The following MDGA2 variants were observed in gnomAD, a reference collection of about 807,000 sequenced individuals.
MDGA2 encodes MAM domain containing glycosylphosphatidylinositol anchor 2.
MDGA2 carries 40 observed loss-of-function variants against 117.8 expected under a neutral mutation model. The ratio of observed to expected loss-of-function variants is 0.34; its 90% CI spans 0.26 to 0.44. The LOEUF (loss-of-function observed/expected upper bound fraction) is 0.44. Ranked by LOEUF, MDGA2 falls within the 20% of genes least tolerant of loss-of-function variation. The pLI is 1.00. For synonymous variants in MDGA2, 452 were observed against 439.0 expected, an observed-to-expected ratio of 1.03 and a Z score of -0.37; for missense variants, 1,123 against 1,250.6, an observed-to-expected ratio of 0.90 and a Z score of 1.54.
rs56244321 is a variant in MDGA2 at position 47,563,578 on chromosome 14, GTTTTTTTTTTTT to G, written c.280+110927_280+110938del. 8.0e-3 allele frequency among the ~76,000 whole-genome samples: 453 copies of G among 56,944 alleles called. 1 individual carries two copies. Among genetic ancestry groups the G allele is most frequent in the African/African-American group, 0.04 (421 of 10,550 alleles). The allele number at this position is 56,944 out of a possible 152,430, so 37.4% of individuals were successfully genotyped here. On this transcript the variant is annotated intron_variant, in intron 1 of 16. Transcript: ENST00000399232. ...AGAATAGCAACCCCTGCTTTTTTCT[GTTTTTTTTTTTT>G]TTTTTTTTTTTTTTTTTTTGCTTGG...
At chr14:47,015,410 G>A (rs1311925766) in intron 8 of MDGA2, among the ~76,000 whole-genome samples, 1 of 148,802 alleles carries the variant, frequency 6.7e-6, no homozygotes, top group Non-Finnish European at 1.5e-5. Flanking sequence ...AAGAAGTAAA[G>A]GACAATAAAA....
chr14:46,972,183 T>C (rs1007438930), intron 8 of MDGA2, among the ~76,000 whole-genome samples: 3 of 152,132 alleles, frequency 2.0e-5, no homozygotes, highest in Non-Finnish European at 4.4e-5. Context: ...GTAGGATGTA[T>C]GCTAACTCAG....
chr14:47,517,879 C>A (rs1432751505), intron 1 of MDGA2, among the ~76,000 whole-genome samples: 1 of 152,072 alleles, frequency 6.6e-6, no homozygotes, highest in African/African-American at 2.4e-5. Flanking sequence ...AAAAGTGTGT[C>A]TTAAATGTTG....
At chr14:46,886,559 A>AG (rs1207729355) in intron 10 of MDGA2, among the ~76,000 whole-genome samples, 2 of 152,078 alleles carry the variant, frequency 1.3e-5, no homozygotes, top group Admixed American at 1.3e-4. Flanking sequence ...TGCAGTTGTG[A>AG]GGGGTAAAGA....
At chr14:47,305,848 T>TA (rs1889426232) in intron 1 of MDGA2, among the ~76,000 whole-genome samples, 1 of 152,180 alleles carries the variant, frequency 6.6e-6, no homozygotes, top group Non-Finnish European at 1.5e-5. Context: ...AAGCAGACGA[T>TA]AGCTAAATCT....
intron 1 of MDGA2, among the ~76,000 whole-genome samples, chr14:47,438,835 CA>C (rs986227854): frequency 3.3e-5 from 5 of 151,728 alleles, no homozygotes; most frequent in South Asian, 2.1e-4. Flanking sequence ...GGATAAGAAA[CA>C]AAAAAAAGTC....
chr14:47,486,646 G>A (rs918441650), intron 1 of MDGA2, among the ~76,000 whole-genome samples: 10 of 152,232 alleles, frequency 6.6e-5, no homozygotes, highest in South Asian at 4.1e-4. Flanking sequence ...GAAGGGACCC[G>A]GTGGGAGACT....
chr14:47,167,957 T>C (rs1566660941), intron 3 of MDGA2, among the ~76,000 whole-genome samples: 1 of 152,180 alleles, frequency 6.6e-6, no homozygotes, highest in African/African-American at 2.4e-5. Flanking sequence ...TTCCATTTGA[T>C]AAAATGTACA....
chr14:46,957,558 G>C lies in MDGA2; in HGVS notation c.1905C>G (p.Ala635=), dbSNP rs775427782. ...SVTMSCRVLR[A]YPIRVLTYEW... is the part of the protein sequence containing the mutation. ...CATAGGTCAGCACCCGTATTGGATAGGCTCTCAGTACTCTGCAACTCATAG... is the reference window on the plus strand; with the variant it reads ...CATAGGTCAGCACCCGTATTGGATACGCTCTCAGTACTCTGCAACTCATAG... The change falls in exon 9 of 17, where the codon GCC becomes GCG. Residue 635 remains alanine (A), a synonymous_variant. Transcript: ENST00000399232. The C allele has an allele frequency of 1.9e-6, 3 of 1,613,994 alleles. No homozygotes were observed. The highest frequency in any genetic ancestry group is 2.2e-5 in the South Asian group (2 of 91,082).
chr14:46,908,101 T>C (rs867130950), intron 10 of MDGA2, among the ~76,000 whole-genome samples: 1 of 152,114 alleles, frequency 6.6e-6, no homozygotes, highest in African/African-American at 2.4e-5. Context: ...ACCAAAATGA[T>C]CCTTAAAATC....
chr14:47,083,494 A>G (rs1566614073), intron 6 of MDGA2, among the ~76,000 whole-genome samples: 1 of 151,974 alleles, frequency 6.6e-6, no homozygotes, highest in Non-Finnish European at 1.5e-5. Context: ...CTTCATGTTA[A>G]AGTAACCCAC....
At chr14:47,025,620 G>A (rs1316482437) in intron 8 of MDGA2, among the ~76,000 whole-genome samples, 3 of 151,220 alleles carry the variant, frequency 2.0e-5, no homozygotes, top group Admixed American at 1.3e-4. Context: ...ACATAGGGGA[G>A]AAGGACATAT....
rs1271524109 is a variant in MDGA2 at position 47,070,320 on chromosome 14, A to C, written c.1196-8742T>G. On this transcript the variant is annotated intron_variant, in intron 6 of 16. Coordinates refer to ENST00000399232, the MANE Select transcript of MDGA2 (RefSeq NM_001113498.3). Reference sequence around the variant, plus strand: ...TTTTCATACAGCATTTACACGACAAAACTTGAAAATTTAGAGAAATTGTAA... The same window carrying C: ...TTTTCATACAGCATTTACACGACAACACTTGAAAATTTAGAGAAATTGTAA... 2.6e-5 allele frequency among the ~76,000 whole-genome samples: 4 copies of C among 152,114 alleles called. No homozygotes were observed. The East Asian group carries it at 7.7e-4, about 29-fold the overall frequency.
At chr14:47,178,975 A>G (rs982275268) in intron 3 of MDGA2, among the ~76,000 whole-genome samples, 3 of 152,114 alleles carry the variant, frequency 2.0e-5, no homozygotes, top group African/African-American at 7.2e-5. Context: ...TTAGAGAGAC[A>G]TATGGGAGTA....
At chr14:47,344,280 G>A (rs1890714521) in intron 1 of MDGA2, among the ~76,000 whole-genome samples, 1 of 152,088 alleles carries the variant, frequency 6.6e-6, no homozygotes, top group Non-Finnish European at 1.5e-5. Context: ...TCATCCTGTT[G>A]TTAAAGACTG....
At chr14:47,418,135 G>A (rs1892510611) in intron 1 of MDGA2, among the ~76,000 whole-genome samples, 1 of 152,064 alleles carries the variant, frequency 6.6e-6, no homozygotes, top group Non-Finnish European at 1.5e-5. Context: ...GGAGAACAGT[G>A]GCATGATCTC....
intron 1 of MDGA2, among the ~76,000 whole-genome samples, chr14:47,364,599 G>A (rs1007326083): frequency 6.6e-6 from 1 of 152,186 alleles, no homozygotes; most frequent in African/African-American, 2.4e-5. Context: ...CAGCTCTCCT[G>A]TTGAATGATA....
rs1006395417 is a variant in MDGA2, at chr14:47,458,066, C to T, written c.281-156516G>A. ...TGGTTAATGACATATTGAGCATATA[C>T]CTGCTGGCCATTTGTAAGTCTTCTT... is the stretch of plus-strand genomic sequence containing the variant. On this transcript the variant is annotated intron_variant, in intron 1 of 16. Coordinates refer to ENST00000399232, the MANE Select transcript of MDGA2 (RefSeq NM_001113498.3). Among the ~76,000 whole-genome samples, 4 of 150,712 alleles carry T rather than the reference C, an allele frequency of 2.7e-5. No individual in the cohort carries two copies. In the East Asian group the frequency reaches 5.9e-4, roughly 22 times the overall value.
chr14:47,218,004 C>G lies in MDGA2; in HGVS notation c.595+17G>C, dbSNP rs565695558. ...CCATAATAGGCTTAATTATAGTTTT[C>G]TGGAAAATTTACTTACAGTATACAT... On this transcript the variant is annotated intron_variant, in intron 3 of 16. Transcript: ENST00000399232. The G allele has an allele frequency of 6.7e-7, 1 of 1,496,782 alleles. No homozygotes were observed. Among genetic ancestry groups the G allele is most frequent in the African/African-American group, 1.4e-5 (1 of 70,554 alleles). 92.7% of individuals were successfully genotyped at this position (1,496,782 alleles called of 1,614,324 possible). A position where few individuals can be genotyped will look rare whatever the true frequency, so the allele number is the denominator to read the frequency against.
Sources: gnomAD v4.1 joint callset for allele counts (sites outside exome capture counted in the v4.1 genomes callset) on GRCh38, gnomAD v4.1.1 for gene constraint, MANE v1.5 for transcripts, NCBI Gene and HGNC (gene_info 2026-07-23, HGNC 2026-07-21) for gene names.